The following HECW2 variants were observed in gnomAD, a reference collection of about 807,000 sequenced individuals.
HECW2 encodes the protein E3 ubiquitin-protein ligase HECW2.
In HECW2, 61 loss-of-function variants were observed where a neutral mutation model predicts 175.2. That is an observed-to-expected ratio of 0.35 (90% CI 0.28 to 0.43). HECW2 has a LOEUF of 0.43. Ranked by LOEUF, HECW2 falls within the 20% of genes least tolerant of loss-of-function variation. HECW2 has a pLI of 1.00. For synonymous variants in HECW2, 671 were observed against 731.0 expected (o/e 0.92, Z 1.32); for missense variants, 1,524 against 2,000.5 (o/e 0.76, Z 4.54).
At chr2:196,557,496 A>T (rs1689842357) in intron 1 of HECW2, among the ~76,000 whole-genome samples, 1 of 152,192 alleles carries the variant, frequency 6.6e-6, no homozygotes, top group Admixed American at 6.5e-5. Context: ...TCCCTGAAAG[A>T]CAGTTTTGCA....
intron 2 of HECW2, among the ~76,000 whole-genome samples, chr2:196,357,076 A>C (rs1403431399): frequency 6.6e-6 from 1 of 152,250 alleles, no homozygotes. Flanking sequence ...CATGATCTGC[A>C]TTAAAAAATG....
At chr2:196,348,824 C>T (rs1402212548) in intron 2 of HECW2, among the ~76,000 whole-genome samples, 2 of 152,166 alleles carry the variant, frequency 1.3e-5, no homozygotes, top group Non-Finnish European at 2.9e-5. Flanking sequence ...GGCCACTTCC[C>T]TTTCTCGTTT....
chr2:196,572,251 C>T (rs1233692708), intron 1 of HECW2, among the ~76,000 whole-genome samples: 1 of 152,132 alleles, frequency 6.6e-6, no homozygotes, highest in African/African-American at 2.4e-5. Context: ...GGCATGATCT[C>T]GGCTCACTGT....
At chr2:196,340,449 T>C (rs1282248056) in intron 3 of HECW2, among the ~76,000 whole-genome samples, 2 of 151,724 alleles carry the variant, frequency 1.3e-5, no homozygotes, top group African/African-American at 4.8e-5. Context: ...ATACAAAAAT[T>C]AGCCGGGCAT....
At chr2:196,251,146 C>A (rs1011832626) in intron 19 of HECW2, among the ~76,000 whole-genome samples, 2 of 152,030 alleles carry the variant, frequency 1.3e-5, no homozygotes, top group Non-Finnish European at 1.5e-5. Flanking sequence ...CCCAAGTAAC[C>A]CTCCCACCTC....
At chr2:196,420,084 T>C (rs975894728) in intron 2 of HECW2, among the ~76,000 whole-genome samples, 1 of 152,220 alleles carries the variant, frequency 6.6e-6, no homozygotes, top group Non-Finnish European at 1.5e-5. Context: ...TCAATGAACA[T>C]ACATTTGGAG....
chr2:196,353,239 C>T (rs1173230658), intron 2 of HECW2, among the ~76,000 whole-genome samples: 1 of 152,116 alleles, frequency 6.6e-6, no homozygotes, highest in Non-Finnish European at 1.5e-5. Context: ...TGGCTCAATT[C>T]CTCCCTTCAA....
chr2:196,583,768 A>G (rs1287671271), intron 1 of HECW2, among the ~76,000 whole-genome samples: 1 of 152,246 alleles, frequency 6.6e-6, no homozygotes, highest in African/African-American at 2.4e-5. Context: ...TCCTTTAGCC[A>G]TTAGGCATTG....
At chr2:196,440,504 C>A (rs968501914) in intron 1 of HECW2, among the ~76,000 whole-genome samples, 2 of 152,088 alleles carry the variant, frequency 1.3e-5, no homozygotes, top group Non-Finnish European at 2.9e-5. Context: ...AATCAAAGCA[C>A]TCTAAATTTT....
intron 28 of HECW2, among the ~76,000 whole-genome samples, chr2:196,207,503 G>C (rs1344497976): frequency 6.6e-6 from 1 of 152,176 alleles, no homozygotes; most frequent in East Asian, 1.9e-4. Context: ...ACAAATATGT[G>C]TGTAACTTAT....
intron 18 of HECW2, among the ~76,000 whole-genome samples, chr2:196,255,700 G>A (rs1188382960): frequency 3.9e-5 from 6 of 152,136 alleles, no homozygotes; most frequent in Non-Finnish European, 7.3e-5. Flanking sequence ...AGACACAAAG[G>A]CTTCCATTAT....
chr2:196,292,738 T>A lies in HECW2; in HGVS notation c.2827A>T (p.Met943Leu). 6.2e-7 allele frequency: 1 copy of A among 1,612,852 alleles called. No homozygotes were observed. The highest frequency in any genetic ancestry group is 8.5e-7 in the Non-Finnish European group (1 of 1,178,974). Residue 943 changes from methionine (M) to leucine (L), a missense_variant, in exon 14 of 29, where the codon ATG becomes TTG. Around this residue, in one of 11 missense-constraint regions of HECW2, gnomAD observed 105 missense variants for 98.1 expected, o/e 1.07. Transcript: ENST00000644978. Reference sequence around the variant, plus strand: ...TTCAAACACGTGTTGTTTGTAAACATGCGGTAGGCACTCTAAAGAAAAGAA... The same window carrying A: ...TTCAAACACGTGTTGTTTGTAAACAAGCGGTAGGCACTCTAAAGAAAAGAA... ...VLHSNPSAYR[M>L]FTNNTCLKHM...
At chr2:196,338,280 A>G (rs2105814386) in intron 3 of HECW2, among the ~76,000 whole-genome samples, 1 of 152,338 alleles carries the variant, frequency 6.6e-6, no homozygotes, top group East Asian at 1.9e-4. Context: ...TTAAAAGAAG[A>G]ATACATTTCT....
intron 2 of HECW2, among the ~76,000 whole-genome samples, chr2:196,374,980 G>C (rs1355425307): frequency 6.6e-6 from 1 of 151,922 alleles, no homozygotes. Context: ...GGCCAACATG[G>C]TGAAACCCCG....
chr2:196,331,111 T>C (rs956720047), intron 4 of HECW2: 2 of 981,616 alleles, frequency 2.0e-6, no homozygotes, highest in African/African-American at 3.5e-5. Context: ...TTAGTCAAAC[T>C]ATTTTGTGTG....
intron 1 of HECW2, among the ~76,000 whole-genome samples, chr2:196,566,510 A>G (rs1690193301): frequency 6.6e-6 from 1 of 151,478 alleles, no homozygotes; most frequent in South Asian, 2.1e-4. Flanking sequence ...TATTATATAT[A>G]CCAGAAACTA....
At chr2:196,536,249 TGG>T in intron 1 of HECW2, among the ~76,000 whole-genome samples, 1 of 152,330 alleles carries the variant, frequency 6.6e-6, no homozygotes, top group Non-Finnish European at 1.5e-5. Context: ...ACTTACGGGA[TGG>T]GACCCTCTGG....
At chr2:196,323,915 G>T (rs73988162) in intron 6 of HECW2, among the ~76,000 whole-genome samples, 1,632 of 68,528 alleles carry the variant, frequency 0.024, 49 homozygotes, top group Middle Eastern at 0.028. Flanking sequence ...TTTGTTTTTT[G>T]TTTGTTTTTT....
intron 1 of HECW2, among the ~76,000 whole-genome samples, chr2:196,450,304 G>A (rs911671377): frequency 2.0e-5 from 3 of 152,144 alleles, no homozygotes; most frequent in African/African-American, 7.2e-5. Context: ...CTTAGCCAGA[G>A]AGTGGCAGGG....
Sources: gnomAD v4.1 joint callset for allele counts (sites outside exome capture counted in the v4.1 genomes callset) on GRCh38, gnomAD v4.1.1 for gene constraint, gnomAD v4.1.1 regional missense constraint, MANE v1.5 for transcripts, NCBI Gene and HGNC (gene_info 2026-07-23, HGNC 2026-07-21) for gene names.